The following SPATA13 variants were observed in gnomAD, a reference collection of about 807,000 sequenced individuals.
SPATA13 encodes spermatogenesis associated 13, also known as spermatogenesis-associated protein 13.
A neutral mutation model predicts 104.0 loss-of-function variants in SPATA13; 50 were observed. The ratio of observed to expected loss-of-function variants is 0.48; its 90% confidence interval spans 0.38 to 0.61. The LOEUF is 0.61. Among genes scored for constraint, SPATA13 ranks in the 20% least tolerant of loss-of-function variants. The pLI is 0.00. For synonymous variants in SPATA13, 606 were observed against 667.5 expected (o/e 0.91, Z 1.42); for missense variants, 1,524 against 1,690.6 (o/e 0.90, Z 1.73).
chr13:24,255,189 C>T (rs1051388656), intron 4 of SPATA13, among the ~76,000 whole-genome samples: 3 of 152,194 alleles, frequency 2.0e-5, no homozygotes, highest in African/African-American at 4.8e-5. Context: ...GGGAGTTTCC[C>T]TGTCCTGAGG....
At chr13:24,285,577 A>G (rs1425533408) in intron 5 of SPATA13, among the ~76,000 whole-genome samples, 4 of 142,772 alleles carry the variant, frequency 2.8e-5, no homozygotes, top group Admixed American at 2.8e-4. Context: ...GAGTGCAGTG[A>G]TGTAATCTCG....
intron 3 of SPATA13, among the ~76,000 whole-genome samples, chr13:24,250,477 T>C (rs1373711527): frequency 5.3e-5 from 8 of 152,220 alleles, no homozygotes; most frequent in Non-Finnish European, 1.2e-4. Flanking sequence ...TGTATACTTA[T>C]TTGTGGAGGC....
intron 3 of SPATA13, among the ~76,000 whole-genome samples, chr13:24,112,537 T>A (rs374398592): frequency 6.7e-6 from 1 of 149,716 alleles, no homozygotes; most frequent in African/African-American, 2.5e-5. Context: ...TTGCATCCCA[T>A]TTCTTGTGCC....
chr13:24,198,047 G>T (rs193171197), intron 1 of SPATA13, among the ~76,000 whole-genome samples: 96 of 152,280 alleles, frequency 6.3e-4, no homozygotes, highest in African/African-American at 2.2e-3. Context: ...CCAGGCTGGA[G>T]TGCAGTGGCA....
chr13:24,259,957 G>A (rs1873976236), intron 4 of SPATA13, among the ~76,000 whole-genome samples: 1 of 152,168 alleles, frequency 6.6e-6, no homozygotes, highest in South Asian at 2.1e-4. Flanking sequence ...GATTTTAAAT[G>A]TGCTTTTGGT....
intron 3 of SPATA13, among the ~76,000 whole-genome samples, chr13:24,087,116 C>A (rs538598874): frequency 6.6e-6 from 1 of 152,270 alleles, no homozygotes; most frequent in Admixed American, 6.5e-5. Flanking sequence ...CCCAGCAAGG[C>A]TTTCTCTCCA....
chr13:24,064,248 T>A (rs1307276701), intron 3 of SPATA13, among the ~76,000 whole-genome samples: 1 of 152,186 alleles, frequency 6.6e-6, no homozygotes. Context: ...GCTACTAGAA[T>A]GGCTACAGTC....
intron 3 of SPATA13, among the ~76,000 whole-genome samples, chr13:24,109,371 G>A (rs1420772008): frequency 6.6e-6 from 1 of 152,158 alleles, no homozygotes; most frequent in African/African-American, 2.4e-5. Flanking sequence ...ATGGGCATTT[G>A]GGTTGGTTCC....
chr13:24,283,446 G>T (rs918436890), intron 4 of SPATA13, among the ~76,000 whole-genome samples: 1 of 152,222 alleles, frequency 6.6e-6, no homozygotes, highest in Admixed American at 6.5e-5. Context: ...CTGAGGCCAT[G>T]AGTCTGAAAG....
chr13:24,165,856 T>C (rs1882709380), intron 1 of SPATA13, among the ~76,000 whole-genome samples: 2 of 152,212 alleles, frequency 1.3e-5, no homozygotes, highest in Admixed American at 1.3e-4. Flanking sequence ...CCCTAGCTCT[T>C]AGTCACCATG....
At chr13:24,251,947 C>A in intron 4 of SPATA13, 85 bp downstream of exon 4, 1 of 1,500,776 alleles carries the variant, frequency 6.7e-7, no homozygotes, top group Non-Finnish European at 9.0e-7. Flanking sequence ...AGGTTCTGCA[C>A]CTTCGCGCCT....
At chr13:24,075,572 A>G (rs1879297608) in intron 3 of SPATA13, among the ~76,000 whole-genome samples, 1 of 152,228 alleles carries the variant, frequency 6.6e-6, no homozygotes, top group Admixed American at 6.5e-5. Context: ...TTTGCTGATG[A>G]GATTAGTCAT....
chr13:24,228,964 G>T (rs958984692), intron 2 of SPATA13, among the ~76,000 whole-genome samples: 1 of 152,192 alleles, frequency 6.6e-6, no homozygotes, highest in African/African-American at 2.4e-5. Flanking sequence ...CTGTGAAAAA[G>T]AGCTGGGAAA....
At chr13:24,092,236 C>G (rs186958609) in intron 3 of SPATA13, among the ~76,000 whole-genome samples, 1 of 152,088 alleles carries the variant, frequency 6.6e-6, no homozygotes, top group African/African-American at 2.4e-5. Flanking sequence ...GTGTTTTAAC[C>G]CAAGTTAGGA....
At chr13:24,124,126 C>T (rs1881132159) in intron 3 of SPATA13, among the ~76,000 whole-genome samples, 1 of 152,166 alleles carries the variant, frequency 6.6e-6, no homozygotes, top group African/African-American at 2.4e-5. Context: ...CTTCTAAGCA[C>T]CCAGCAACAT....
chr13:24,044,617 C>T (rs375559979), intron 3 of SPATA13, among the ~76,000 whole-genome samples: 7 of 152,124 alleles, frequency 4.6e-5, no homozygotes, highest in Non-Finnish European at 7.3e-5. Context: ...GTTTAATGAT[C>T]GAATCGGGGT....
At chr13:24,121,951 G>A (rs1881043603) in intron 3 of SPATA13, 25 of 724,054 alleles carry the variant, frequency 3.5e-5, no homozygotes, top group Non-Finnish European at 3.6e-5. Context: ...TGTTTCTTTT[G>A]TCCATCTATT....
At chr13:24,055,567 C>T (rs1288060876) in intron 3 of SPATA13, among the ~76,000 whole-genome samples, 2 of 152,128 alleles carry the variant, frequency 1.3e-5, no homozygotes, top group African/African-American at 4.8e-5. Flanking sequence ...GTGTGTTGCT[C>T]TACCAGGCAC....
chr13:24,251,051 A>G (rs993706133), intron 3 of SPATA13, among the ~76,000 whole-genome samples: 1 of 152,270 alleles, frequency 6.6e-6, no homozygotes, highest in Non-Finnish European at 1.5e-5. Flanking sequence ...AGGAACGTAT[A>G]AAGCAACTGG....
Sources: allele counts gnomAD v4.1 joint callset (sites outside exome capture counted in the v4.1 genomes callset), GRCh38; gene constraint gnomAD v4.1.1; transcripts MANE v1.5; gene names NCBI Gene and HGNC (gene_info 2026-07-23, HGNC 2026-07-21).